TRIM71: variants seen among roughly 807,000 people sequenced by gnomAD.
The protein encoded by TRIM71 is E3 ubiquitin-protein ligase TRIM71.
TRIM71 carries 9 observed loss-of-function variants against 61.2 expected under a neutral mutation model. The ratio of observed to expected loss-of-function variants is 0.15; its 90% confidence interval spans 0.09 to 0.26. TRIM71 has a LOEUF of 0.26. Among genes scored for constraint, TRIM71 ranks in the 10% least tolerant of loss-of-function variants. TRIM71 has a pLI of 1.00. For synonymous variants in TRIM71, 645 were observed against 553.2 expected, an observed-to-expected ratio of 1.17 and a Z score of -2.33; for missense variants, 998 against 1,238.7, an observed-to-expected ratio of 0.81 and a Z score of 2.92.
chr3:32,837,232 G>T (rs1575344176), intron 1 of TRIM71, among the ~76,000 whole-genome samples: 2 of 152,278 alleles, frequency 1.3e-5, no homozygotes, highest in South Asian at 2.1e-4. Flanking sequence ...TGTAAGCATT[G>T]ATATAAAGGT....
At position 32,818,851 on chromosome 3, in the gene TRIM71, G is replaced by GCCGCCCTTTCCCGGC. The variant is rs1386194560; in HGVS notation, c.780_794dup (p.Pro261_Phe265dup). 4.3e-6 allele frequency: 7 copies of GCCGCCCTTTCCCGGC among 1,612,262 alleles called. No homozygotes were observed. Among genetic ancestry groups the GCCGCCCTTTCCCGGC allele is most frequent in the Non-Finnish European group, 4.2e-6 (5 of 1,179,726 alleles). On this transcript the variant is annotated inframe_insertion, in exon 1 of 4. Coordinates refer to ENST00000383763, the MANE Select transcript of TRIM71 (RefSeq NM_001039111.3). ...CAGCGGCGCAGCAGCTCGGGCTCGG[G>GCCGCCCTTTCCCGGC]CCGCCCTTTCCCGGCCCGCCCTTCT...
At chr3:32,839,129 C>CA (rs1172903122) in intron 1 of TRIM71, among the ~76,000 whole-genome samples, 1 of 152,132 alleles carries the variant, frequency 6.6e-6, no homozygotes, top group Non-Finnish European at 1.5e-5. Flanking sequence ...AAGGACATTT[C>CA]ACTTCAGGGG....
At chr3:32,860,628 G>T (rs1290183318) in intron 1 of TRIM71, among the ~76,000 whole-genome samples, 2 of 152,126 alleles carry the variant, frequency 1.3e-5, no homozygotes, top group Non-Finnish European at 2.9e-5. Flanking sequence ...TTGGGGAGGT[G>T]GGACGACTCT....
rs1456078695 is a variant in TRIM71 at position 32,874,352 on chromosome 3, TACTACTACTACTACTACA to T, written c.1020+370_1020+387del. On this transcript the variant is annotated intron_variant, in intron 2 of 3. Coordinates refer to ENST00000383763, the MANE Select transcript of TRIM71 (RefSeq NM_001039111.3). Reference sequence around the variant, plus strand: ...CTACTACTACTACTACTACTACTACTACTACTACTACTACTACAACATATTTTTTGAGATGAGTCTTGC... The same window carrying T: ...CTACTACTACTACTACTACTACTACTACATATTTTTTGAGATGAGTCTTGC... 7.3e-3 allele frequency among the ~76,000 whole-genome samples: 1,106 copies of T among 151,192 alleles called. 18 individuals are homozygous for T. Among genetic ancestry groups the T allele is most frequent in the African/African-American group, 0.025 (1,041 of 41,014 alleles).
intron 1 of TRIM71, among the ~76,000 whole-genome samples, chr3:32,858,393 A>G (rs931989553): frequency 1.3e-5 from 2 of 152,224 alleles, no homozygotes; most frequent in African/African-American, 2.4e-5. Context: ...GGCTTTTAGC[A>G]CAGTCTTAAA....
chr3:32,827,613 T>C (rs890604652), intron 1 of TRIM71, among the ~76,000 whole-genome samples: 3 of 152,148 alleles, frequency 2.0e-5, no homozygotes, highest in African/African-American at 7.2e-5. Flanking sequence ...TTCTGCAGAA[T>C]AGCACATTTT....
intron 1 of TRIM71, among the ~76,000 whole-genome samples, chr3:32,833,670 A>ATTTATTTAT (rs1553643720): frequency 2.7e-5 from 4 of 149,518 alleles, no homozygotes; most frequent in East Asian, 3.9e-4. Context: ...TTATTTATTT[A>ATTTATTTAT]TTTATTTTAT....
Position 32,818,186 on chromosome 3 carries a change from T to C in TRIM71, c.106T>C (p.Ser36Pro). The change falls in exon 1 of 4, where the codon TCG (serine) becomes CCG (proline). Residue 36 changes from serine (S) to proline (P), a missense_variant. By Grantham distance (74) the Ser-to-Pro change is moderately conservative. Transcript: ENST00000383763. ...CAACTCGTCCGCGTCGTCGTCCTCC[T>C]CGCAGACGTCCACGTCGTCGGGGGG... ...SSNSSASSSSSQTSTSSGGGG... is the reference protein window; with the variant it reads ...SSNSSASSSSPQTSTSSGGGG... 1.3e-6 allele frequency: 2 copies of C among 1,592,522 alleles called. No individual in the cohort carries two copies. The highest frequency in any genetic ancestry group is 2.4e-5 in the East Asian group (1 of 42,224).
At chr3:32,889,549 G>A (rs946651844) in intron 3 of TRIM71, among the ~76,000 whole-genome samples, 3 of 145,774 alleles carry the variant, frequency 2.1e-5, no homozygotes, top group Non-Finnish European at 3.0e-5. Flanking sequence ...GATTATGTAC[G>A]TTTTGTCCCA....
Position 32,853,549 on chromosome 3 carries a change from G to C in TRIM71, c.853-20269G>C, listed in dbSNP as rs563377871. Among the ~76,000 whole-genome samples the C allele has an allele frequency of 3.9e-5, 6 of 152,290 alleles. No individual in the cohort carries two copies. The South Asian group carries it at 1.2e-3, about 32-fold the overall frequency. On this transcript the variant is annotated intron_variant, in intron 1 of 3. Coordinates refer to ENST00000383763, the MANE Select transcript of TRIM71 (RefSeq NM_001039111.3). ...CTATAAATCACCTATTTTTAAGGAA[G>C]TGCTTCATTCCTGCCTGGATGAACA...
At chr3:32,889,319 T>C (rs1421329321) in intron 3 of TRIM71, among the ~76,000 whole-genome samples, 1 of 151,952 alleles carries the variant, frequency 6.6e-6, no homozygotes, top group Non-Finnish European at 1.5e-5. Flanking sequence ...CAGGCTGGAG[T>C]GCAGTGGTTA....
At chr3:32,856,693 C>T (rs745512169) in intron 1 of TRIM71, among the ~76,000 whole-genome samples, 27 of 152,182 alleles carry the variant, frequency 1.8e-4, no homozygotes, top group Admixed American at 3.3e-4. Context: ...TTTATGAAAT[C>T]TCTCAACGTT....
chr3:32,872,314 C>G (rs528494758), intron 1 of TRIM71, among the ~76,000 whole-genome samples: 1 of 152,232 alleles, frequency 6.6e-6, no homozygotes, highest in Non-Finnish European at 1.5e-5. Flanking sequence ...TACACACTTC[C>G]CTATTAACTC....
At chr3:32,852,778 AAAC>A (rs1252647509) in intron 1 of TRIM71, among the ~76,000 whole-genome samples, 5 of 152,086 alleles carry the variant, frequency 3.3e-5, no homozygotes, top group African/African-American at 1.2e-4. Context: ...AAAAAAACAA[AAAC>A]AAACTTTATC....
chr3:32,834,738 A>G (rs966244037), intron 1 of TRIM71, among the ~76,000 whole-genome samples: 1 of 152,104 alleles, frequency 6.6e-6, no homozygotes, highest in African/African-American at 2.4e-5. Context: ...GCTACCCCGG[A>G]TACCGAGGCA....
At chr3:32,827,654 G>T (rs1307638929) in intron 1 of TRIM71, among the ~76,000 whole-genome samples, 1 of 152,202 alleles carries the variant, frequency 6.6e-6, no homozygotes, top group Non-Finnish European at 1.5e-5. Flanking sequence ...AAGCAGAGCA[G>T]TGGGCACAAA....
chr3:32,822,246 C>T (rs1003207905), intron 1 of TRIM71, among the ~76,000 whole-genome samples: 1 of 152,092 alleles, frequency 6.6e-6, no homozygotes, highest in Non-Finnish European at 1.5e-5. Flanking sequence ...TAGCCCGCCC[C>T]ACCCGAGGAT....
chr3:32,850,091 C>T (rs371920430), intron 1 of TRIM71, among the ~76,000 whole-genome samples: 1 of 152,324 alleles, frequency 6.6e-6, no homozygotes, highest in Non-Finnish European at 1.5e-5. Context: ...CATGGAGGTT[C>T]GTTGTCTTCC....
rs1367467252 is a variant in TRIM71, at chr3:32,897,330, C to T, written c.*5519C>T. ...TAAGGAATATGCACTACCGTAGTAA[C>T]TCCCCTGGCCGCAGAAACCACACTG... On this transcript the variant is annotated 3_prime_UTR_variant, in exon 4 of 4. Transcript: ENST00000383763. 2 of 152,248 alleles carry T rather than the reference C, an allele frequency of 1.3e-5. No individual in the cohort carries two copies. Among genetic ancestry groups the T allele is most frequent in the Admixed American group, 1.3e-4 (2 of 15,282 alleles). 9.4% of individuals were successfully genotyped at this position (152,248 alleles called of 1,614,324 possible). A position where few individuals can be genotyped will look rare whatever the true frequency, so the allele number is the denominator to read the frequency against.
Sources: allele counts gnomAD v4.1 joint callset (sites outside exome capture counted in the v4.1 genomes callset), GRCh38; gene constraint gnomAD v4.1.1; transcripts MANE v1.5; gene names NCBI Gene and HGNC (gene_info 2026-07-23, HGNC 2026-07-21).